Variants in GGT7 observed in about 807,000 individuals in gnomAD.
GGT7 encodes the protein gamma-glutamyltransferase 7, also known as glutathione hydrolase 7.
A neutral mutation model predicts 69.2 loss-of-function variants in GGT7; 30 were observed. The ratio of observed to expected loss-of-function variants is 0.43; its 90% CI spans 0.32 to 0.59. The LOEUF is 0.59. Among genes scored for constraint, GGT7 ranks in the 20% least tolerant of loss-of-function variants. The pLI, the probability that GGT7 is intolerant of heterozygous loss-of-function variation, is 0.05. For synonymous variants in GGT7, 388 were observed against 391.8 expected (o/e 0.99, Z 0.12); for missense variants, 733 against 901.1 (o/e 0.81, Z 2.39).
At chr20:34,855,042 G>T in intron 8 of GGT7, 119 bp from the exon 9 acceptor site, 1 of 927,314 alleles carries the variant, frequency 1.1e-6, no homozygotes. Flanking sequence ...TCCCTCACCA[G>T]ATGGGGAAAC....
At chr20:34,854,071 G>A (rs1272264998) in intron 10 of GGT7, among the ~76,000 whole-genome samples, 1 of 152,122 alleles carries the variant, frequency 6.6e-6, no homozygotes, top group Non-Finnish European at 1.5e-5. Flanking sequence ...TGACTAGCTG[G>A]GACTACAGGC....
At chr20:34,860,137 A>C (rs2079565572) in intron 5 of GGT7, 95 bp from the exon 6 acceptor site, 1 of 1,011,336 alleles carries the variant, frequency 9.9e-7, no homozygotes, top group Non-Finnish European at 1.6e-6. Context: ...AGTCCTGGCA[A>C]GGGAAGGGGA....
intron 6 of GGT7, 61 bp downstream of exon 6, chr20:34,859,908 C>CA (rs1426826693): frequency 8.1e-7 from 1 of 1,233,574 alleles, no homozygotes; most frequent in Admixed American, 2.0e-5. Context: ...CTCCAAATCT[C>CA]AAAGATTCTA....
At position 34,863,848 on chromosome 20, in the gene GGT7, G is replaced by A. The variant is rs1386433787; in HGVS notation, c.170-300C>T. On this transcript the variant is annotated intron_variant, in intron 1 of 14. Coordinates refer to ENST00000336431, the MANE Select transcript of GGT7 (RefSeq NM_178026.3). This position sits in a 1 kb window ranked among gnomAD's most constrained non-coding sequence, Gnocchi z 4.4. Reference sequence around the variant, plus strand: ...GGCCCAGGGCTGAGAACACTTCCTGGGGGGTGGGGTGGGGGTTCCAGCCCT... The same window carrying A: ...GGCCCAGGGCTGAGAACACTTCCTGAGGGGTGGGGTGGGGGTTCCAGCCCT... 4 of 584,358 alleles carry A rather than the reference G, an allele frequency of 6.8e-6. No homozygotes were observed. The highest frequency in any genetic ancestry group is 1.3e-5 in the Non-Finnish European group (4 of 307,474). 36.2% of individuals were successfully genotyped at this position (584,358 alleles called of 1,614,324 possible). A position where few individuals can be genotyped will look rare whatever the true frequency, so the allele number is the denominator to read the frequency against.
intron 12 of GGT7, 68 bp downstream of exon 12, chr20:34,852,087 A>G: frequency 1.1e-6 from 1 of 923,508 alleles, no homozygotes; most frequent in Non-Finnish European, 1.8e-6. Flanking sequence ...AGAAAGGGGC[A>G]GCCATGCCAT....
Position 34,863,874 on chromosome 20 carries a change from C to T in GGT7, c.170-326G>A, listed in dbSNP as rs2079645720. Reference sequence around the variant, plus strand: ...GGGGTGGGGTGGGGGTTCCAGCCCTCAGTGGAAATCGGATCCTGCCCCAGT... The same window carrying T: ...GGGGTGGGGTGGGGGTTCCAGCCCTTAGTGGAAATCGGATCCTGCCCCAGT... On this transcript the variant is annotated intron_variant, in intron 1 of 14. Coordinates refer to ENST00000336431, the MANE Select transcript of GGT7 (RefSeq NM_178026.3). The surrounding 1 kb of genome is among the most constrained non-coding windows in gnomAD (Gnocchi z 4.4). 1.9e-6 allele frequency: 1 copy of T among 520,726 alleles called. No homozygotes were observed. The highest frequency in any genetic ancestry group is 5.4e-4 in the Middle Eastern group (1 of 1,862). 32.3% of individuals were successfully genotyped at this position (520,726 alleles called of 1,614,324 possible). A position where few individuals can be genotyped will look rare whatever the true frequency, so the allele number is the denominator to read the frequency against.
In GGT7 at chr20:34,845,112, T is replaced by TCACCACCACCACCACCACCACCAC. The variant is rs79530197; in HGVS notation, c.*192_*215dup. ...CTGGCTGTACTGTAGATGCTGACAC[T>TCACCACCACCACCACCACCACCAC]CACCACCACCACCACCACCACCACC... On this transcript the variant is annotated 3_prime_UTR_variant, in exon 15 of 15. Transcript: ENST00000336431. 2,045 of 389,830 alleles carry TCACCACCACCACCACCACCACCAC rather than the reference T, an allele frequency of 5.2e-3. 44 individuals are homozygous for TCACCACCACCACCACCACCACCAC. Among genetic ancestry groups the TCACCACCACCACCACCACCACCAC allele is most frequent in the Admixed American group, 0.023 (540 of 22,982 alleles). 24.1% of individuals were successfully genotyped at this position (389,830 alleles called of 1,614,324 possible). A position where few individuals can be genotyped will look rare whatever the true frequency, so the allele number is the denominator to read the frequency against.
chr20:34,870,318 T>C (rs1189696304), intron 1 of GGT7, among the ~76,000 whole-genome samples: 1 of 152,218 alleles, frequency 6.6e-6, no homozygotes, highest in East Asian at 1.9e-4. Context: ...AGAGCCTGTA[T>C]TGAACTTCCC....
At chr20:34,859,366 AG>A (rs2079544528) in intron 7 of GGT7, 76 bp downstream of exon 7, 1 of 1,114,156 alleles carries the variant, frequency 9.0e-7, no homozygotes. Flanking sequence ...GAGGGAAGGA[AG>A]GAAAAAATGC....
chr20:34,849,453 T>C (rs1042012827), intron 14 of GGT7, among the ~76,000 whole-genome samples: 2 of 152,138 alleles, frequency 1.3e-5, no homozygotes, highest in Non-Finnish European at 2.9e-5. Flanking sequence ...GTCTGAGCCA[T>C]TGCACCCAGT....
rs1422389916 is a variant in GGT7, at chr20:34,860,057, G to A, written c.744-15C>T. On this transcript the variant is annotated splice_polypyrimidine_tract_variant and intron_variant, in intron 5 of 14. Coordinates refer to ENST00000336431, the MANE Select transcript of GGT7 (RefSeq NM_178026.3). ...ACCATGGCAGCCTGGGGGGGCCGGA[G>A]AGCAGGGGGTGGAGGAGGTCCTGGG... is the stretch of plus-strand genomic sequence containing the variant. 3.4e-6 allele frequency: 5 copies of A among 1,467,206 alleles called. No individual in the cohort carries two copies. The highest frequency in any genetic ancestry group is 4.7e-6 in the Non-Finnish European group (5 of 1,070,534). The allele number at this position is 1,467,206 out of a possible 1,614,324, so 90.9% of individuals were successfully genotyped here. A position where few individuals can be genotyped will look rare whatever the true frequency, so the allele number is the denominator to read the frequency against.
chr20:34,860,220 G>T (rs780340344), intron 5 of GGT7, 34 bp downstream of exon 5: 2 of 1,508,382 alleles, frequency 1.3e-6, no homozygotes, highest in Admixed American at 3.3e-5. Flanking sequence ...AGATGCAAAC[G>T]GGGGTCCCTG....
chr20:34,860,885 G>A (rs1476306771), intron 4 of GGT7, among the ~76,000 whole-genome samples: 3 of 152,138 alleles, frequency 2.0e-5, no homozygotes, highest in Non-Finnish European at 4.4e-5. Flanking sequence ...GATTACAGGT[G>A]TGAGCCACTG....
At position 34,872,696 on chromosome 20, in the gene GGT7, C is replaced by A; in HGVS notation, c.120G>T (p.Pro40=). 16 of 1,479,890 alleles carry A rather than the reference C, an allele frequency of 1.1e-5. No individual in the cohort carries two copies. Among genetic ancestry groups the A allele is most frequent in the Non-Finnish European group, 1.4e-5 (16 of 1,119,908 alleles). The allele number at this position is 1,479,890 out of a possible 1,614,324, so 91.7% of individuals were successfully genotyped here. A position where few individuals can be genotyped will look rare whatever the true frequency, so the allele number is the denominator to read the frequency against. The part of the protein sequence containing the change: ...LPEDEPAPAA[P]LRGRKDEDAF... Reference sequence around the variant, plus strand: ...CGTCCTCGTCCTTGCGGCCCCTCAGCGGGGCCGCGGGCGCCGGCTCGTCCT... The same window carrying A: ...CGTCCTCGTCCTTGCGGCCCCTCAGAGGGGCCGCGGGCGCCGGCTCGTCCT... The change falls in exon 1 of 15, where the codon CCG becomes CCT. Residue 40 remains proline (P), a synonymous_variant. Coordinates refer to ENST00000336431, the MANE Select transcript of GGT7 (RefSeq NM_178026.3).
chr20:34,860,112 G>GA, intron 5 of GGT7, 70 bp from the exon 6 acceptor site: 1 of 863,810 alleles, frequency 1.2e-6, no homozygotes, highest in Non-Finnish European at 1.9e-6. Flanking sequence ...GGGGAGGGGG[G>GA]TTCCTGGGAA....
intron 1 of GGT7, among the ~76,000 whole-genome samples, chr20:34,864,695 T>C (rs1057172825): frequency 7.0e-6 from 1 of 142,030 alleles, no homozygotes; most frequent in African/African-American, 2.7e-5. Context: ...CACTCCAGCC[T>C]GGGTGACAGA....
chr20:34,850,027 G>A lies in GGT7; in HGVS notation c.1759C>T (p.Leu587=). Residue 587 remains leucine, a synonymous_variant, in exon 14 of 15, where the codon CTG becomes TTG. Transcript: ENST00000336431. ...LLNVLTLNRN[L]SDSLARGRLH... ...CGGCCGCGGGCCAGGCTGTCACTCAGGTTCCGGTTCAAGGTCAGGACATTC... is the reference window on the plus strand; with the variant it reads ...CGGCCGCGGGCCAGGCTGTCACTCAAGTTCCGGTTCAAGGTCAGGACATTC... The A allele has an allele frequency of 6.2e-7, 1 of 1,613,966 alleles. No homozygotes were observed. The highest frequency in any genetic ancestry group is 8.5e-7 in the Non-Finnish European group (1 of 1,179,874).
At chr20:34,872,554 A>T in intron 1 of GGT7, 93 bp downstream of exon 1, 1 of 821,554 alleles carries the variant, frequency 1.2e-6, no homozygotes, top group Non-Finnish European at 1.8e-6. Flanking sequence ...GGGATGAATT[A>T]AGGAGATGGA....
At chr20:34,868,934 C>T (rs1237634935) in intron 1 of GGT7, among the ~76,000 whole-genome samples, 2 of 152,136 alleles carry the variant, frequency 1.3e-5, no homozygotes, top group African/African-American at 2.4e-5. Flanking sequence ...TACCTTAATC[C>T]AGCTATGCCT....
Sources: gnomAD v4.1 joint callset for allele counts (sites outside exome capture counted in the v4.1 genomes callset) on GRCh38, gnomAD v4.1.1 for gene constraint, Gnocchi (gnomAD v3.1) non-coding constraint, MANE v1.5 for transcripts, NCBI Gene and HGNC (gene_info 2026-07-23, HGNC 2026-07-21) for gene names.